Variants in RIC8B observed in about 807,000 individuals in gnomAD.
RIC8B encodes the protein RIC8 guanine nucleotide exchange factor B, also known as chaperone Ric-8B.
RIC8B carries 16 observed loss-of-function variants against 57.5 expected under a neutral mutation model. That is an observed-to-expected ratio of 0.28 (90% CI 0.19 to 0.42). The LOEUF (loss-of-function observed/expected upper bound fraction) is 0.42, where lower values mean the gene tolerates loss of function less well. Among genes scored for constraint, RIC8B ranks in the 10% least tolerant of loss-of-function variants. The pLI, the probability that RIC8B is intolerant of heterozygous loss-of-function variation, is 1.00. For missense variants in RIC8B, 481 were observed against 677.0 expected, an observed-to-expected ratio of 0.71 and a Z score of 3.21; for synonymous variants, 216 against 250.8, an observed-to-expected ratio of 0.86 and a Z score of 1.31.
intron 9 of RIC8B, chr12:106,874,534 T>C (rs1950583450): frequency 1.3e-6 from 2 of 1,551,278 alleles, no homozygotes; most frequent in Non-Finnish European, 1.7e-6. Flanking sequence ...CAGTGGCCCG[T>C]GCCAAAGCAC....
chr12:106,813,504 A>G (rs967059018), intron 2 of RIC8B, among the ~76,000 whole-genome samples: 1 of 151,974 alleles, frequency 6.6e-6, no homozygotes, highest in African/African-American at 2.4e-5. Context: ...ATACCATTTT[A>G]TATAAGAGAC....
chr12:106,871,363 C>T (rs1160839973), intron 9 of RIC8B: 1 of 149,248 alleles, frequency 6.7e-6, no homozygotes, highest in East Asian at 2.0e-4. Flanking sequence ...TGGGTTGCTG[C>T]TGAAACCAAG....
At chr12:106,803,045 C>CT (rs2044810709) in intron 2 of RIC8B, among the ~76,000 whole-genome samples, 2 of 151,540 alleles carry the variant, frequency 1.3e-5, no homozygotes, top group South Asian at 4.2e-4. Context: ...AAGACCCTGT[C>CT]TTTAAAAGTA....
intron 2 of RIC8B, among the ~76,000 whole-genome samples, chr12:106,795,835 C>G (rs748560989): frequency 3.3e-5 from 5 of 152,102 alleles, no homozygotes; most frequent in Admixed American, 6.6e-5. Flanking sequence ...TTCTTAACTC[C>G]TGTATCAATA....
rs1950815255 is a variant in RIC8B, at chr12:106,879,351, ATG to A, written c.1572-6551_1572-6550del. 3.0e-6 allele frequency: 3 copies of A among 985,236 alleles called. No individual in the cohort carries two copies. Among genetic ancestry groups the A allele is most frequent in the Admixed American group, 1.2e-4 (2 of 16,246 alleles). The allele number at this position is 985,236 out of a possible 1,614,324, so 61.0% of individuals were successfully genotyped here. The stretch of plus-strand genomic sequence containing the variant: ...CCTATTCTATATTGTGCGATTGGGT[ATG>A]TTAGTATCTGAACCCCAATTTTGCA... On this transcript the variant is annotated intron_variant, in intron 9 of 9. Coordinates refer to ENST00000392837, the MANE Select transcript of RIC8B (RefSeq NM_001330145.2). This position sits in a 1 kb window ranked among gnomAD's most constrained non-coding sequence, Gnocchi z 4.9.
intron 4 of RIC8B, among the ~76,000 whole-genome samples, chr12:106,837,639 GTT>G (rs375634080): frequency 3.5e-5 from 4 of 115,326 alleles, no homozygotes; most frequent in Admixed American, 9.4e-5. Context: ...AAAATCTTTT[GTT>G]TTTTTTTTTT....
intron 9 of RIC8B, among the ~76,000 whole-genome samples, chr12:106,877,970 G>T (rs1008653233): frequency 6.6e-6 from 1 of 152,104 alleles, no homozygotes; most frequent in African/African-American, 2.4e-5. Context: ...GGAAAGACAT[G>T]GTGATGTGGG....
intron 2 of RIC8B, among the ~76,000 whole-genome samples, chr12:106,812,970 G>A (rs138604073): frequency 2.2e-4 from 34 of 151,968 alleles, no homozygotes; most frequent in African/African-American, 7.5e-4. Flanking sequence ...CCTCTGTATC[G>A]TGCAGTCTGC....
At chr12:106,866,337 G>A (rs964940840) in intron 8 of RIC8B, among the ~76,000 whole-genome samples, 72 of 152,108 alleles carry the variant, frequency 4.7e-4, no homozygotes, top group African/African-American at 1.5e-3. Flanking sequence ...CCCTTTCCTC[G>A]TCAAGCTTCT....
At chr12:106,777,123 A>G (rs1199322045) in intron 1 of RIC8B, among the ~76,000 whole-genome samples, 1 of 152,224 alleles carries the variant, frequency 6.6e-6, no homozygotes, top group East Asian at 1.9e-4. Context: ...TTGGCCTCCC[A>G]AAGTACTGCG....
At chr12:106,807,553 G>A (rs926613806) in intron 2 of RIC8B, among the ~76,000 whole-genome samples, 4 of 152,196 alleles carry the variant, frequency 2.6e-5, no homozygotes, top group Middle Eastern at 3.2e-3. Flanking sequence ...GGCATAGATC[G>A]TGTCTATACA....
rs2136695674 is a variant in RIC8B, at chr12:106,886,125, A to AT, written c.*112dup. On this transcript the variant is annotated 3_prime_UTR_variant, in exon 10 of 10. Transcript: ENST00000392837. ...ATGCCCTTGCTTTGGCTAGAAACACATTAACTGGTTTACTCATTGAGAATC... is the reference window on the plus strand; with the variant it reads ...ATGCCCTTGCTTTGGCTAGAAACACATTTAACTGGTTTACTCATTGAGAATC... 1.3e-6 allele frequency: 1 copy of AT among 755,490 alleles called. No homozygotes were observed. The highest frequency in any genetic ancestry group is 2.5e-5 in the East Asian group (1 of 39,794). 46.8% of individuals were successfully genotyped at this position (755,490 alleles called of 1,614,324 possible). A position where few individuals can be genotyped will look rare whatever the true frequency, so the allele number is the denominator to read the frequency against.
rs770467007 is a variant in RIC8B at position 106,842,717 on chromosome 12, A to C, written c.965A>C (p.Glu322Ala). ...GAACTGCCCAGTAATAAAACAGCTG[A>C]GAAAGAAACAGTTTTGAAAAACAAT... ...LDELPSNKTA[E>A]KETVLKNNTM... The change falls in exon 5 of 10, where the codon GAG becomes GCG. Residue 322 changes from glutamate to alanine, a missense_variant. Glu to Ala is a moderately radical substitution (Grantham distance 107). Transcript: ENST00000392837. The C allele has an allele frequency of 6.2e-7, 1 of 1,613,968 alleles. No homozygotes were observed. Among genetic ancestry groups the C allele is most frequent in the Non-Finnish European group, 8.5e-7 (1 of 1,179,816 alleles).
intron 6 of RIC8B, among the ~76,000 whole-genome samples, chr12:106,849,598 AT>A (rs1249218871): frequency 6.6e-6 from 1 of 152,096 alleles, no homozygotes; most frequent in Admixed American, 6.6e-5. Flanking sequence ...TTTTAACAAG[AT>A]CCCCAGGTGT....
At chr12:106,885,562 C>T (rs1029709192) in intron 9 of RIC8B, among the ~76,000 whole-genome samples, 1 of 136,496 alleles carries the variant, frequency 7.3e-6, no homozygotes, top group Non-Finnish European at 1.6e-5. Context: ...TTGTCTAAAA[C>T]AAAACCAATC....
chr12:106,834,901 G>A (rs746305726), intron 4 of RIC8B, among the ~76,000 whole-genome samples: 12 of 144,988 alleles, frequency 8.3e-5, no homozygotes, highest in South Asian at 2.2e-4. Flanking sequence ...GGAGAATGGC[G>A]TGAACCTGGG....
At chr12:106,885,310 A>AAGGAGG (rs1018795425) in intron 9 of RIC8B, among the ~76,000 whole-genome samples, 275 of 152,194 alleles carry the variant, frequency 1.8e-3, no homozygotes, top group African/African-American at 6.3e-3. Flanking sequence ...GTTTTTTAGA[A>AAGGAGG]AGGAGGAGGA....
chr12:106,803,590 T>C (rs553871839), intron 2 of RIC8B, among the ~76,000 whole-genome samples: 1 of 152,370 alleles, frequency 6.6e-6, no homozygotes, highest in South Asian at 2.1e-4. Context: ...TCCCTGTCTT[T>C]TGCAGTTTTT....
At chr12:106,791,812 A>G (rs928336482) in intron 2 of RIC8B, among the ~76,000 whole-genome samples, 2 of 152,188 alleles carry the variant, frequency 1.3e-5, no homozygotes, top group Admixed American at 6.5e-5. Context: ...GTAAATTTCT[A>G]TATTAGATTC....
Sources: allele counts gnomAD v4.1 joint callset (sites outside exome capture counted in the v4.1 genomes callset), GRCh38; gene constraint gnomAD v4.1.1; non-coding constraint Gnocchi (gnomAD v3.1); transcripts MANE v1.5; gene names NCBI Gene and HGNC (gene_info 2026-07-23, HGNC 2026-07-21).